The following COL6A5 variants were observed in gnomAD, a reference collection of about 807,000 sequenced individuals.
COL6A5 encodes collagen type VI alpha 5 chain, also known as collagen alpha-5(VI) chain.
A neutral mutation model predicts 65.6 loss-of-function variants in COL6A5; 48 were observed. The observed-to-expected ratio is 0.73, with a 90% CI of 0.58 to 0.93. The LOEUF (loss-of-function observed/expected upper bound fraction) is 0.93, where lower values mean the gene tolerates loss of function less well. COL6A5 is among the 40% of genes least tolerant of loss of function. COL6A5 has a pLI of 0.00. For synonymous variants in COL6A5, 291 were observed against 322.8 expected (o/e 0.90, Z 1.05); for missense variants, 914 against 928.3 (o/e 0.98, Z 0.20).
At chr3:130,393,079 TG>T (rs1559875857) in intron 7 of COL6A5, among the ~76,000 whole-genome samples, 53 of 31,628 alleles carry the variant, frequency 1.7e-3, no homozygotes, top group Middle Eastern at 0.013. Context: ...TTTTTTTTTG[TG>T]TGTGTGTGTG....
rs73866903 is a variant in COL6A5, at chr3:130,392,064, A to G, written c.2992+310A>G. On this transcript the variant is annotated intron_variant and NMD_transcript_variant, in intron 7 of 41. Transcript: ENST00000312481. ...TTAGGGTCATATTCACCTTACCCCA[A>G]GTAATGGCTGCTCATGGTGCTCCAT... is the stretch of plus-strand genomic sequence containing the variant. Among the ~76,000 whole-genome samples, 630 of 152,346 alleles carry G rather than the reference A, an allele frequency of 4.1e-3. 8 individuals are homozygous for G. The highest frequency in any genetic ancestry group is 0.014 in the African/African-American group (585 of 41,582).
chr3:130,392,140 C>A (rs558928086), intron 7 of COL6A5, among the ~76,000 whole-genome samples: 111 of 152,296 alleles, frequency 7.3e-4, no homozygotes, highest in African/African-American at 2.6e-3. Flanking sequence ...AGGTCAAACT[C>A]AAACGGAAAG....
chr3:130,455,353 GT>G, intron 4 of COL6A5, 101 bp from the exon 37 acceptor site: 1 of 672,432 alleles, frequency 1.5e-6, no homozygotes, highest in Non-Finnish European at 2.6e-6. Flanking sequence ...CACCCAATTG[GT>G]TTTTTAAGGA....
At chr3:130,368,216 G>C (rs978681920) in intron 1 of COL6A5, among the ~76,000 whole-genome samples, 1 of 152,232 alleles carries the variant, frequency 6.6e-6, no homozygotes, top group Non-Finnish European at 1.5e-5. Context: ...GTGCCCCAGA[G>C]TTGCTCAAAT....
chr3:130,471,760 C>G, intron 7 of COL6A5: 1 of 1,534,632 alleles, frequency 6.5e-7, no homozygotes, highest in Non-Finnish European at 8.7e-7. Flanking sequence ...CACAACATCT[C>G]CTTGTATTAG....
intron 1 of COL6A5, among the ~76,000 whole-genome samples, 183 bp from the exon 34 acceptor site, chr3:130,439,339 T>TTGTGTGTGTGTGTGTGTG (rs5852597): frequency 6.8e-6 from 1 of 146,558 alleles, no homozygotes; most frequent in African/African-American, 2.5e-5. Context: ...AAGCAGGGGA[T>TTGTGTGTGTGTGTGTGTG]TGTGTGTGTG....
At chr3:130,388,974 G>T (rs1336100796) in exon 6 of COL6A5, 1 of 1,548,282 alleles carries the variant, frequency 6.5e-7, no homozygotes, top group African/African-American at 1.4e-5. Flanking sequence ...GAATTCTTCG[G>T]GGCAAAGATG....
At position 130,453,368 on chromosome 3, in the gene COL6A5, G is replaced by A. The variant is rs141589576; in HGVS notation, c.1333-2087G>A. Reference sequence around the variant, plus strand: ...CACGTTCTTCTGACATGGCTTCAGCGGGTCCCTCCGTTTGGGGTCCCTGAC... The same window carrying A: ...CACGTTCTTCTGACATGGCTTCAGCAGGTCCCTCCGTTTGGGGTCCCTGAC... On this transcript the variant is annotated intron_variant, in intron 4 of 7. Transcript: ENST00000512836. Among the ~76,000 whole-genome samples the A allele has an allele frequency of 3.0e-4, 46 of 152,176 alleles. No homozygotes were observed. In the East Asian group the frequency reaches 7.5e-3, roughly 25 times the overall value.
intron 1 of COL6A5, 43 bp from the exon 2 acceptor site, chr3:130,373,568 A>G: frequency 3.3e-6 from 3 of 916,150 alleles, no homozygotes; most frequent in South Asian, 3.0e-5. Context: ...ACTTAATGGT[A>G]TAAAATAAAA....
chr3:130,445,167 G>A (rs1310568238), intron 4 of COL6A5, among the ~76,000 whole-genome samples: 3 of 152,192 alleles, frequency 2.0e-5, no homozygotes, highest in Non-Finnish European at 2.9e-5. Context: ...GGTGGCCATT[G>A]CAGTGACTGT....
intron 7 of COL6A5, among the ~76,000 whole-genome samples, chr3:130,483,089 A>G (rs1354983784): frequency 6.6e-6 from 1 of 152,190 alleles, no homozygotes; most frequent in Non-Finnish European, 1.5e-5. Flanking sequence ...GTTAAAGAAA[A>G]GAATTTTCAA....
At chr3:130,388,291 A>G (rs1169723183) in intron 5 of COL6A5, among the ~76,000 whole-genome samples, 1 of 152,082 alleles carries the variant, frequency 6.6e-6, no homozygotes, top group Non-Finnish European at 1.5e-5. Flanking sequence ...CTGGCATTTT[A>G]TACAACTCAA....
At chr3:130,447,664 ATAG>A (rs1196613400) in intron 4 of COL6A5, among the ~76,000 whole-genome samples, 1 of 152,198 alleles carries the variant, frequency 6.6e-6, no homozygotes, top group Admixed American at 6.5e-5. Context: ...AATATGTTTG[ATAG>A]TAGCAGTTTC....
At chr3:130,346,594 A>G (rs1308438390) in intron 1 of COL6A5, among the ~76,000 whole-genome samples, 1 of 152,112 alleles carries the variant, frequency 6.6e-6, no homozygotes, top group Non-Finnish European at 1.5e-5. Context: ...TTCAACAACT[A>G]TTTCTGAGTT....
chr3:130,465,445 C>G (rs1709792766), intron 5 of COL6A5, among the ~76,000 whole-genome samples: 1 of 151,928 alleles, frequency 6.6e-6, no homozygotes, highest in Non-Finnish European at 1.5e-5. Context: ...TTCCCACCAG[C>G]AAGCCTGGAA....
intron 25 of COL6A5, among the ~76,000 whole-genome samples, chr3:130,419,707 A>G (rs981397426): frequency 2.6e-5 from 4 of 152,146 alleles, no homozygotes; most frequent in African/African-American, 9.7e-5. Context: ...GGTGAAATGT[A>G]AAAGAAAGTC....
At chr3:130,468,961 T>C in exon 6 of COL6A5, 1 of 1,612,768 alleles carries the variant, frequency 6.2e-7, no homozygotes, top group Middle Eastern at 1.7e-4. Context: ...CAGTGCTTGA[T>C]TACTTTCACA....
intron 12 of COL6A5, among the ~76,000 whole-genome samples, chr3:130,403,194 G>T (rs529158418): frequency 6.6e-6 from 1 of 152,212 alleles, no homozygotes; most frequent in African/African-American, 2.4e-5. Flanking sequence ...CAATCTTGTT[G>T]TTGGAAGTGG....
At chr3:130,345,798 G>A (rs1934440755) in exon 1 of COL6A5, 2 of 397,642 alleles carry the variant, frequency 5.0e-6, no homozygotes, top group Non-Finnish European at 4.4e-6. Context: ...TCCACCTGCA[G>A]CTGTGCGGCG....
Sources: allele counts gnomAD v4.1 joint callset (sites outside exome capture counted in the v4.1 genomes callset), GRCh38; gene constraint gnomAD v4.1.1; transcripts MANE v1.5; gene names NCBI Gene and HGNC (gene_info 2026-07-23, HGNC 2026-07-21).